PTPRK: variants seen among roughly 807,000 people sequenced by gnomAD.
PTPRK encodes the protein receptor-type tyrosine-protein phosphatase kappa.
In PTPRK, 75 loss-of-function variants were observed where a neutral mutation model predicts 178.0. That is an observed-to-expected ratio of 0.42 (90% CI 0.35 to 0.51). The LOEUF (loss-of-function observed/expected upper bound fraction) is 0.51, where lower values mean the gene tolerates loss of function less well. Among genes scored for constraint, PTPRK ranks in the 20% least tolerant of loss-of-function variants. The probability of loss-of-function intolerance (pLI) is 0.02; values close to 1 mark genes in which losing one functional copy is unlikely to be tolerated. For missense variants in PTPRK, 1,441 were observed against 1,797.8 expected (o/e 0.80, Z 3.59); for synonymous variants, 637 against 620.6 (o/e 1.03, Z -0.39).
intron 5 of PTPRK, among the ~76,000 whole-genome samples, chr6:128,222,145 C>T (rs2128274019): frequency 6.6e-6 from 1 of 152,336 alleles, no homozygotes; most frequent in East Asian, 1.9e-4. Context: ...CACATGTCCA[C>T]ACCCACTCAA....
rs182594769 is a variant in PTPRK, at chr6:128,247,971, G to T, written c.496-5369C>A. Among the ~76,000 whole-genome samples, 381 of 152,068 alleles carry T rather than the reference G, an allele frequency of 2.5e-3. 1 individual carries two copies. Among genetic ancestry groups the T allele is most frequent in the African/African-American group, 8.8e-3 (363 of 41,466 alleles). ...TTTTAATATTTAAACATTAAATTTT[G>T]CTAACGTTCAGAATAAATCACACAT... On this transcript the variant is annotated intron_variant, in intron 3 of 29. Coordinates refer to ENST00000368226, the MANE Select transcript of PTPRK (RefSeq NM_002844.4).
intron 6 of PTPRK, among the ~76,000 whole-genome samples, chr6:128,210,575 A>G (rs1807953492): frequency 6.6e-6 from 1 of 152,142 alleles, no homozygotes; most frequent in Admixed American, 6.6e-5. Context: ...AGACAGAAGT[A>G]TACTCGGAAG....
intron 1 of PTPRK, among the ~76,000 whole-genome samples, chr6:128,475,861 C>T (rs1303378722): frequency 6.6e-6 from 1 of 151,958 alleles, no homozygotes; most frequent in Non-Finnish European, 1.5e-5. Flanking sequence ...GAAGCACTTC[C>T]TTTAAAAAGA....
Position 127,999,035 on chromosome 6 carries a change from A to G in PTPRK, c.2495-131T>C, listed in dbSNP as rs1583576237. 9 of 777,184 alleles carry G rather than the reference A, an allele frequency of 1.2e-5. No homozygotes were observed. In the East Asian group the frequency reaches 2.3e-4, roughly 19 times the overall value. The allele number at this position is 777,184 out of a possible 1,614,324, so 48.1% of individuals were successfully genotyped here. On this transcript the variant is annotated intron_variant, in intron 15 of 29. Transcript: ENST00000368226. ...ACAAGAGGAATTCTGGGAAAGAAATATCATACAGTATAGGCCTAGACAGTA... is the reference window on the plus strand; with the variant it reads ...ACAAGAGGAATTCTGGGAAAGAAATGTCATACAGTATAGGCCTAGACAGTA...
At chr6:128,136,372 A>G (rs928355888) in intron 7 of PTPRK, among the ~76,000 whole-genome samples, 2 of 152,220 alleles carry the variant, frequency 1.3e-5, no homozygotes, top group Non-Finnish European at 2.9e-5. Flanking sequence ...GAGCTGCGCT[A>G]TTTACTGATC....
intron 7 of PTPRK, among the ~76,000 whole-genome samples, chr6:128,150,981 T>C (rs1397038994): frequency 6.6e-6 from 1 of 152,090 alleles, no homozygotes; most frequent in Non-Finnish European, 1.5e-5. Context: ...ATAACTCAAA[T>C]ATAGCATATC....
At chr6:128,042,605 A>T (rs1313411036) in intron 13 of PTPRK, among the ~76,000 whole-genome samples, 1 of 151,996 alleles carries the variant, frequency 6.6e-6, no homozygotes, top group Non-Finnish European at 1.5e-5. Context: ...ATTACACTCG[A>T]TCTACCTGGA....
chr6:128,471,755 T>C (rs1850696530), intron 1 of PTPRK, among the ~76,000 whole-genome samples: 2 of 151,746 alleles, frequency 1.3e-5, no homozygotes, highest in African/African-American at 2.4e-5. Flanking sequence ...CCAACAGGTG[T>C]ATGTGGAGTG....
intron 7 of PTPRK, among the ~76,000 whole-genome samples, chr6:128,155,594 A>G (rs773999262): frequency 1.7e-4 from 25 of 151,464 alleles, no homozygotes; most frequent in Non-Finnish European, 1.9e-4. Flanking sequence ...TTTGCCATTG[A>G]AATTAATGGC....
At chr6:128,468,425 G>T (rs1031310090) in intron 1 of PTPRK, among the ~76,000 whole-genome samples, 1 of 150,076 alleles carries the variant, frequency 6.7e-6, no homozygotes, top group East Asian at 1.9e-4. Flanking sequence ...CTTCATTTAA[G>T]AGCCTGACAA....
intron 7 of PTPRK, among the ~76,000 whole-genome samples, chr6:128,101,902 A>G (rs1329804595): frequency 2.0e-5 from 3 of 152,202 alleles, no homozygotes; most frequent in Non-Finnish European, 2.9e-5. Context: ...GAGTTGGAAT[A>G]TACTATTCTT....
chr6:128,488,338 C>A (rs1853268752), intron 1 of PTPRK, among the ~76,000 whole-genome samples: 1 of 152,208 alleles, frequency 6.6e-6, no homozygotes, highest in Non-Finnish European at 1.5e-5. Context: ...TAGGGTCTGC[C>A]TCTCCCAAAC....
At chr6:127,978,653 AGGTAAG>A (rs891513053) in intron 25 of PTPRK, among the ~76,000 whole-genome samples, 62 of 152,352 alleles carry the variant, frequency 4.1e-4, no homozygotes, top group African/African-American at 1.4e-3. Flanking sequence ...CTCCATGCAA[AGGTAAG>A]TCAAAGCAGA....
At chr6:128,117,430 T>A (rs923743823) in intron 7 of PTPRK, among the ~76,000 whole-genome samples, 10 of 152,188 alleles carry the variant, frequency 6.6e-5, no homozygotes, top group Non-Finnish European at 1.5e-4. Flanking sequence ...GAGTATAACA[T>A]TTACAATCGC....
intron 1 of PTPRK, among the ~76,000 whole-genome samples, chr6:128,513,517 T>TAAAGAA (rs1554287272): frequency 3.4e-5 from 5 of 147,278 alleles, no homozygotes; most frequent in Non-Finnish European, 6.0e-5. Context: ...AAGAAAGAAA[T>TAAAGAA]AAAGAAAAAG....
chr6:128,250,404 T>C (rs181817790), intron 3 of PTPRK, among the ~76,000 whole-genome samples: 3 of 152,310 alleles, frequency 2.0e-5, no homozygotes, highest in Non-Finnish European at 4.4e-5. Flanking sequence ...CTGAGGGCAA[T>C]GGATTGTCAT....
intron 2 of PTPRK, among the ~76,000 whole-genome samples, chr6:128,327,883 G>A (rs1030177793): frequency 2.6e-5 from 4 of 152,206 alleles, no homozygotes; most frequent in African/African-American, 9.6e-5. Context: ...AGAAGGTGCA[G>A]TTGCAGCTCA....
intron 1 of PTPRK, among the ~76,000 whole-genome samples, chr6:128,440,271 T>C (rs1846108799): frequency 6.6e-6 from 1 of 152,186 alleles, no homozygotes; most frequent in African/African-American, 2.4e-5. Context: ...ACTTAATTTC[T>C]TATCTCTCAA....
intron 15 of PTPRK, among the ~76,000 whole-genome samples, chr6:128,002,054 A>C (rs1412464858): frequency 6.6e-6 from 1 of 151,798 alleles, no homozygotes; most frequent in Non-Finnish European, 1.5e-5. Context: ...TGGACATCAA[A>C]GGGAGAGTGC....
Sources: gnomAD v4.1 joint callset for allele counts (sites outside exome capture counted in the v4.1 genomes callset) on GRCh38, gnomAD v4.1.1 for gene constraint, MANE v1.5 for transcripts, NCBI Gene and HGNC (gene_info 2026-07-23, HGNC 2026-07-21) for gene names.